PELI2: variants seen among roughly 807,000 people sequenced by gnomAD.
PELI2 encodes E3 ubiquitin-protein ligase pellino homolog 2.
A neutral mutation model predicts 42.3 loss-of-function variants in PELI2; 23 were observed. The observed-to-expected ratio is 0.54, with a 90% confidence interval of 0.39 to 0.77. The LOEUF (loss-of-function observed/expected upper bound fraction) is 0.77, where lower values mean the gene tolerates loss of function less well. Among genes scored for constraint, PELI2 ranks in the 30% least tolerant of loss-of-function variants. PELI2 has a pLI of 0.00. For synonymous variants in PELI2, 245 were observed against 212.2 expected, an observed-to-expected ratio of 1.15 and a Z score of -1.34; for missense variants, 463 against 553.2, an observed-to-expected ratio of 0.84 and a Z score of 1.64.
At chr14:56,240,956 T>G (rs531087813) in intron 2 of PELI2, among the ~76,000 whole-genome samples, 1 of 152,262 alleles carries the variant, frequency 6.6e-6, no homozygotes, top group South Asian at 2.1e-4. Flanking sequence ...TATACATATT[T>G]CCTTAAAATA....
intron 1 of PELI2, among the ~76,000 whole-genome samples, chr14:56,140,288 C>T (rs886745993): frequency 6.6e-6 from 1 of 152,170 alleles, no homozygotes; most frequent in African/African-American, 2.4e-5. Flanking sequence ...ATTCCTTCTA[C>T]CCCATTGTAC....
At chr14:56,237,170 G>T (rs1887828659) in intron 2 of PELI2, among the ~76,000 whole-genome samples, 1 of 152,120 alleles carries the variant, frequency 6.6e-6, no homozygotes, top group Admixed American at 6.6e-5. Context: ...TTATTGACCT[G>T]TTTTTAACGT....
rs1882934395 is a variant in PELI2 at position 56,118,543 on chromosome 14, C to T, written c.-118C>T. 1.7e-6 allele frequency: 1 copy of T among 571,912 alleles called. No homozygotes were observed. The highest frequency in any genetic ancestry group is 2.6e-6 in the Non-Finnish European group (1 of 382,336). 35.4% of individuals were successfully genotyped at this position (571,912 alleles called of 1,614,324 possible). On this transcript the variant is annotated 5_prime_UTR_variant, in exon 1 of 6. Coordinates refer to ENST00000267460, the MANE Select transcript of PELI2 (RefSeq NM_021255.3). The stretch of plus-strand genomic sequence containing the variant: ...CCCGCGCCCCCTTCGCCGCCGTGCC[C>T]TTCCCCGGCGCGCTCACCCCGTTCT...
chr14:56,138,480 C>T (rs1349809514), intron 1 of PELI2, among the ~76,000 whole-genome samples: 1 of 150,906 alleles, frequency 6.6e-6, no homozygotes, highest in African/African-American at 2.4e-5. Context: ...TTTTTAAAGA[C>T]TGAAAAGTAT....
chr14:56,162,820 A>T (rs191624949), intron 1 of PELI2, among the ~76,000 whole-genome samples: 2 of 152,252 alleles, frequency 1.3e-5, no homozygotes, highest in Admixed American at 1.3e-4. Flanking sequence ...GGGTGAAATG[A>T]TATCTCATTG....
chr14:56,242,768 C>T (rs1467669001), intron 2 of PELI2, among the ~76,000 whole-genome samples: 2 of 152,176 alleles, frequency 1.3e-5, no homozygotes, highest in Non-Finnish European at 1.5e-5. Context: ...AACCAATTAT[C>T]GTATGTTCTC....
chr14:56,280,461 T>C (rs1004740960), intron 3 of PELI2, among the ~76,000 whole-genome samples: 1 of 152,004 alleles, frequency 6.6e-6, no homozygotes, highest in Admixed American at 6.6e-5. Context: ...TTTAGTACTT[T>C]AAAACAACAA....
chr14:56,119,806 C>A, intron 1 of PELI2: 1 of 984,992 alleles, frequency 1.0e-6, no homozygotes. Context: ...TGGGAACCCG[C>A]GCTTTTGTCC....
chr14:56,205,542 C>T lies in PELI2; in HGVS notation c.207+27078C>T, dbSNP rs181761358. Among the ~76,000 whole-genome samples the T allele has an allele frequency of 3.0e-3, 457 of 151,880 alleles. 1 individual carries two copies. Among genetic ancestry groups the T allele is most frequent in the African/African-American group, 0.011 (437 of 41,398 alleles). On this transcript the variant is annotated intron_variant, in intron 2 of 5. Coordinates refer to ENST00000267460, the MANE Select transcript of PELI2 (RefSeq NM_021255.3). ...ATCCTCTTTTTTGTAATAAGGTTGT[C>T]GGGGCGTGGGGTTAAGGGGAAGCTT...
intron 1 of PELI2, among the ~76,000 whole-genome samples, chr14:56,126,706 A>G (rs3850296): frequency 0.016 from 2,453 of 152,244 alleles, 77 homozygotes; most frequent in African/African-American, 0.056. Context: ...TGGGTGAGCA[A>G]TTAGGCTTTT....
rs557621871 is a variant in PELI2, at chr14:56,237,959, T to TTTAAA, written c.208-41717_208-41716insTTAAA. Among the ~76,000 whole-genome samples the TTTAAA allele has an allele frequency of 5.9e-4, 90 of 152,200 alleles. 1 individual carries two copies. The East Asian group carries it at 0.015, about 26-fold the overall frequency. On this transcript the variant is annotated intron_variant, in intron 2 of 5. Coordinates refer to ENST00000267460, the MANE Select transcript of PELI2 (RefSeq NM_021255.3). ...ACTCAGATCTTATTCATCCTCGAAT[T>TTTAAA]ATGGACAGTATGTCTTTAAAAAAAG...
chr14:56,151,686 A>G (rs1884365991), intron 1 of PELI2, among the ~76,000 whole-genome samples: 1 of 152,188 alleles, frequency 6.6e-6, no homozygotes, highest in Non-Finnish European at 1.5e-5. Context: ...AGATTAACTG[A>G]GTTATTATAT....
At chr14:56,175,129 G>A (rs958979446) in intron 1 of PELI2, among the ~76,000 whole-genome samples, 4 of 152,080 alleles carry the variant, frequency 2.6e-5, no homozygotes, top group South Asian at 2.1e-4. Context: ...CCGAGTAGCC[G>A]TGACTACAGG....
At chr14:56,279,476 G>T (rs1889402504) in intron 2 of PELI2, among the ~76,000 whole-genome samples, 200 bp from the exon 3 acceptor site, 1 of 152,176 alleles carries the variant, frequency 6.6e-6, no homozygotes, top group Non-Finnish European at 1.5e-5. Context: ...CTTTAAGACA[G>T]AATATTTGAT....
At chr14:56,132,880 A>G (rs1883542029) in intron 1 of PELI2, among the ~76,000 whole-genome samples, 2 of 152,214 alleles carry the variant, frequency 1.3e-5, no homozygotes, top group African/African-American at 4.8e-5. Context: ...CAACTTTCAG[A>G]TGTGAACACT....
chr14:56,169,987 T>A (rs141277392), intron 1 of PELI2, among the ~76,000 whole-genome samples: 47 of 152,324 alleles, frequency 3.1e-4, no homozygotes, highest in African/African-American at 1.1e-3. Flanking sequence ...ATTTATACAG[T>A]GAGTTAGGGT....
intron 2 of PELI2, among the ~76,000 whole-genome samples, chr14:56,266,690 T>C (rs1228644612): frequency 2.6e-5 from 4 of 152,064 alleles, no homozygotes; most frequent in Non-Finnish European, 5.9e-5. Flanking sequence ...TAACTATCAA[T>C]ATCAGAAGTG....
chr14:56,168,661 A>T (rs1432538528), intron 1 of PELI2, among the ~76,000 whole-genome samples: 1 of 150,726 alleles, frequency 6.6e-6, no homozygotes, highest in African/African-American at 2.4e-5. Flanking sequence ...TTGGTGCTCT[A>T]CCCCCCTGTG....
Position 56,297,418 on chromosome 14 carries a change from T to A in PELI2, c.*252T>A, listed in dbSNP as rs1890046627. On this transcript the variant is annotated 3_prime_UTR_variant, in exon 6 of 6. Transcript: ENST00000267460. ...CATAATATCTTTGTAATAATTGGAT[T>A]TAAAATGCTATGCTTCTATTTTTAA... 2.6e-6 allele frequency: 1 copy of A among 385,926 alleles called. No individual in the cohort carries two copies. The highest frequency in any genetic ancestry group is 2.0e-5 in the African/African-American group (1 of 49,370). The allele number at this position is 385,926 out of a possible 1,614,324, so 23.9% of individuals were successfully genotyped here.
Sources: allele counts gnomAD v4.1 joint callset (sites outside exome capture counted in the v4.1 genomes callset), GRCh38; gene constraint gnomAD v4.1.1; transcripts MANE v1.5; gene names NCBI Gene and HGNC (gene_info 2026-07-23, HGNC 2026-07-21).